Variants in CHCHD3 observed in about 807,000 individuals in gnomAD.
CHCHD3 encodes the protein MICOS complex subunit MIC19.
Under a neutral mutation model 38.2 loss-of-function variants are expected in CHCHD3, and 20 were observed. The observed-to-expected ratio is 0.52, with a 90% CI of 0.37 to 0.76. The LOEUF (loss-of-function observed/expected upper bound fraction) is 0.76. Among genes scored for constraint, CHCHD3 ranks in the 30% least tolerant of loss-of-function variants. The pLI is 0.00. For missense variants in CHCHD3, 245 were observed against 279.2 expected, an observed-to-expected ratio of 0.88 and a Z score of 0.87; for synonymous variants, 82 against 100.0, an observed-to-expected ratio of 0.82 and a Z score of 1.07.
intron 2 of CHCHD3, among the ~76,000 whole-genome samples, chr7:133,033,642 A>G (rs1417142195): frequency 6.6e-6 from 1 of 152,186 alleles, no homozygotes; most frequent in East Asian, 1.9e-4. Flanking sequence ...TAATATTTAT[A>G]TGGATTTTTC....
intron 3 of CHCHD3, among the ~76,000 whole-genome samples, chr7:132,982,311 G>A (rs1008509956): frequency 2.6e-5 from 4 of 152,104 alleles, no homozygotes; most frequent in African/African-American, 4.8e-5. Flanking sequence ...TTGAGACGGA[G>A]TCTCACTCTG....
At chr7:132,873,127 G>A (rs949270580) in intron 5 of CHCHD3, among the ~76,000 whole-genome samples, 1 of 151,866 alleles carries the variant, frequency 6.6e-6, no homozygotes, top group Non-Finnish European at 1.5e-5. Flanking sequence ...AGAGGGGGAG[G>A]ATGAAAAGGG....
intron 5 of CHCHD3, among the ~76,000 whole-genome samples, chr7:132,878,658 G>A (rs1384830212): frequency 6.6e-6 from 1 of 152,150 alleles, no homozygotes; most frequent in Non-Finnish European, 1.5e-5. Flanking sequence ...GCAAATTGCT[G>A]CTGAAATCCA....
At chr7:132,949,816 G>A (rs1810994924) in intron 4 of CHCHD3, among the ~76,000 whole-genome samples, 1 of 152,016 alleles carries the variant, frequency 6.6e-6, no homozygotes, top group Admixed American at 6.6e-5. Context: ...TAGGAGTGCA[G>A]TATGAAAATT....
chr7:132,807,606 A>ATAT (rs1806956322), intron 6 of CHCHD3, among the ~76,000 whole-genome samples: 2 of 108,926 alleles, frequency 1.8e-5, no homozygotes, highest in African/African-American at 3.2e-5. Flanking sequence ...CATACACATA[A>ATAT]ATATATATAT....
intron 5 of CHCHD3, among the ~76,000 whole-genome samples, chr7:132,866,318 G>A (rs1000727710): frequency 7.9e-5 from 12 of 152,078 alleles, no homozygotes; most frequent in East Asian, 1.9e-4. Flanking sequence ...TACTATTCCC[G>A]CGACCTTGGA....
rs141602018 is a variant in CHCHD3, at chr7:132,931,918, T to G, written c.369+43251A>C. Among the ~76,000 whole-genome samples, 14 of 152,242 alleles carry G rather than the reference T, an allele frequency of 9.2e-5. No individual in the cohort carries two copies. The East Asian group carries it at 2.7e-3, about 29-fold the overall frequency. ...AGGCAGTGGGAAATATAATGCAGCT[T>G]TACACTGCATCATGAAAGCAAGAAA... On this transcript the variant is annotated intron_variant, in intron 4 of 7. Coordinates refer to ENST00000262570, the MANE Select transcript of CHCHD3 (RefSeq NM_017812.4).
chr7:132,966,769 G>A (rs146352436), intron 4 of CHCHD3, among the ~76,000 whole-genome samples: 102 of 152,268 alleles, frequency 6.7e-4, no homozygotes, highest in African/African-American at 2.2e-3. Context: ...AAAACATAAT[G>A]TGCAAAACAT....
chr7:132,812,821 C>T (rs1807106242), intron 6 of CHCHD3, among the ~76,000 whole-genome samples: 1 of 152,192 alleles, frequency 6.6e-6, no homozygotes, highest in Non-Finnish European at 1.5e-5. Flanking sequence ...CTCCATCTCT[C>T]TCTACGACAC....
At chr7:132,812,667 A>AC in intron 6 of CHCHD3, among the ~76,000 whole-genome samples, 1 of 152,058 alleles carries the variant, frequency 6.6e-6, no homozygotes, top group African/African-American at 2.4e-5. Flanking sequence ...AAACAACAAC[A>AC]ACCAGAGTGC....
chr7:133,049,541 C>T (rs950270656), intron 2 of CHCHD3, among the ~76,000 whole-genome samples: 1 of 152,140 alleles, frequency 6.6e-6, no homozygotes, highest in Non-Finnish European at 1.5e-5. Context: ...CATTTAACCG[C>T]CAATACTTAA....
At chr7:132,963,866 TG>T (rs1811393184) in intron 4 of CHCHD3, among the ~76,000 whole-genome samples, 4 of 152,204 alleles carry the variant, frequency 2.6e-5, no homozygotes, top group African/African-American at 9.6e-5. Flanking sequence ...TTAGTTAACC[TG>T]CTGTTGAGAT....
intron 1 of CHCHD3, among the ~76,000 whole-genome samples, chr7:133,075,317 T>C (rs1052598192): frequency 6.6e-6 from 1 of 152,166 alleles, no homozygotes; most frequent in Non-Finnish European, 1.5e-5. Flanking sequence ...TTGATAAACA[T>C]ATTGTACGGC....
At chr7:132,983,584 T>G (rs1297715020) in intron 3 of CHCHD3, among the ~76,000 whole-genome samples, 1 of 152,204 alleles carries the variant, frequency 6.6e-6, no homozygotes, top group Non-Finnish European at 1.5e-5. Flanking sequence ...TCCAGTAAAT[T>G]GCATACTGCA....
chr7:133,045,121 C>G (rs1813947379), intron 2 of CHCHD3, among the ~76,000 whole-genome samples: 1 of 152,180 alleles, frequency 6.6e-6, no homozygotes, highest in Non-Finnish European at 1.5e-5. Flanking sequence ...GAAGAAACAG[C>G]TTATGATTCC....
chr7:133,023,581 A>C (rs530686700), intron 3 of CHCHD3, among the ~76,000 whole-genome samples: 156 of 152,348 alleles, frequency 1.0e-3, no homozygotes, highest in African/African-American at 3.6e-3. Context: ...GTAAAAAGAC[A>C]TTCACATGAT....
At chr7:132,980,282 G>A (rs1811885860) in intron 3 of CHCHD3, among the ~76,000 whole-genome samples, 1 of 152,174 alleles carries the variant, frequency 6.6e-6, no homozygotes, top group African/African-American at 2.4e-5. Flanking sequence ...GATAAAATAA[G>A]TCTCTCATTA....
In CHCHD3 at chr7:133,015,478, A is replaced by G. The variant is rs1813005336; in HGVS notation, c.251+9068T>C. ...CTAAGATAAAAGAATTTTTTTAAATACTGTACAGAGTAGCTATCTAGATCT... is the reference window on the plus strand; with the variant it reads ...CTAAGATAAAAGAATTTTTTTAAATGCTGTACAGAGTAGCTATCTAGATCT... On this transcript the variant is annotated intron_variant, in intron 3 of 7. Transcript: ENST00000262570. Among the ~76,000 whole-genome samples, 4 of 152,178 alleles carry G rather than the reference A, an allele frequency of 2.6e-5. No homozygotes were observed. The South Asian group carries it at 8.3e-4, about 31-fold the overall frequency.
intron 4 of CHCHD3, among the ~76,000 whole-genome samples, chr7:132,896,251 T>C (rs998110148): frequency 6.6e-6 from 1 of 152,232 alleles, no homozygotes; most frequent in African/African-American, 2.4e-5. Flanking sequence ...AAAGCTTCTA[T>C]CACATATAAG....
Sources: gnomAD v4.1 joint callset for allele counts (sites outside exome capture counted in the v4.1 genomes callset) on GRCh38, gnomAD v4.1.1 for gene constraint, MANE v1.5 for transcripts, NCBI Gene and HGNC (gene_info 2026-07-23, HGNC 2026-07-21) for gene names.